DIP2A: variants seen among roughly 807,000 people sequenced by gnomAD.
DIP2A encodes disco-interacting protein 2 homolog A.
Under a neutral mutation model 177.4 loss-of-function variants are expected in DIP2A, and 85 were observed. The ratio of observed to expected loss-of-function variants is 0.48; its 90% confidence interval spans 0.40 to 0.57. The LOEUF (loss-of-function observed/expected upper bound fraction) is 0.57, where lower values mean the gene tolerates loss of function less well. DIP2A is among the 20% of genes least tolerant of loss of function. The pLI is 0.00. For synonymous variants in DIP2A, 886 were observed against 881.8 expected, an observed-to-expected ratio of 1.00 and a Z score of -0.08; for missense variants, 1,791 against 2,100.2, an observed-to-expected ratio of 0.85 and a Z score of 2.88.
At chr21:46,494,475 A>G (rs2057194508) in intron 3 of DIP2A, among the ~76,000 whole-genome samples, 2 of 152,152 alleles carry the variant, frequency 1.3e-5, no homozygotes, top group African/African-American at 4.8e-5. Context: ...GATTTTTCTC[A>G]GTTCTTAGAT....
At chr21:46,554,397 C>T (rs942838148) in intron 26 of DIP2A, 105 bp downstream of exon 26, 44 of 1,558,852 alleles carry the variant, frequency 2.8e-5, no homozygotes, top group Non-Finnish European at 3.3e-5. Context: ...CAAAACTAAG[C>T]TCAGCCCCTC....
intron 8 of DIP2A, among the ~76,000 whole-genome samples, chr21:46,523,552 C>CTT (rs908662073): frequency 6.6e-6 from 1 of 151,358 alleles, no homozygotes; most frequent in South Asian, 2.1e-4. Context: ...GCCCATAGTG[C>CTT]TTTTTTTTAA....
Position 46,551,880 on chromosome 21 carries a change from G to T in DIP2A, c.3006G>T (p.Pro1002=). The T allele has an allele frequency of 6.2e-7, 1 of 1,608,062 alleles. No individual in the cohort carries two copies. Among genetic ancestry groups the T allele is most frequent in the South Asian group, 1.1e-5 (1 of 90,144 alleles). ...QWRAHTTPDH[P]LFLLLNAKGT... is the part of the protein sequence containing the mutation. Reference sequence around the variant, plus strand: ...GTGCCCACACCACTCCTGACCACCCGCTGTTCTTGCTGCTGAACGCCAAGG... The same window carrying T: ...GTGCCCACACCACTCCTGACCACCCTCTGTTCTTGCTGCTGAACGCCAAGG... Residue 1002 remains proline (P), a synonymous_variant, in exon 25 of 38, where the codon CCG becomes CCT. Transcript: ENST00000417564.
At position 46,458,940 on chromosome 21, in the gene DIP2A, G is replaced by A; in HGVS notation, c.-192G>A. ...GAGCGCGCGGGGCAGCGGCGGCGCG[G>A]CGGAGCCATCCGCGCTCGTGCCCGC... On this transcript the variant is annotated 5_prime_UTR_variant, in exon 1 of 38. Transcript: ENST00000417564. 3.0e-6 allele frequency: 1 copy of A among 335,854 alleles called. No homozygotes were observed. Among genetic ancestry groups the A allele is most frequent in the Admixed American group, 5.0e-5 (1 of 20,076 alleles). 20.8% of individuals were successfully genotyped at this position (335,854 alleles called of 1,614,324 possible). A position where few individuals can be genotyped will look rare whatever the true frequency, so the allele number is the denominator to read the frequency against.
chr21:46,561,787 A>G lies in DIP2A; in HGVS notation c.4071A>G (p.Pro1357=). Residue 1357 remains proline, a synonymous_variant, in exon 34 of 38, where the codon CCA becomes CCG. Transcript: ENST00000417564. ...LVERGSPHSL[P]LMESGKILPG... ...AACGGGGTTCTCCGCACAGCCTGCC[A>G]TTGATGGAGTCTGGAAAGGTAGTGG... 6.2e-7 allele frequency: 1 copy of G among 1,613,896 alleles called. No homozygotes were observed. Among genetic ancestry groups the G allele is most frequent in the Non-Finnish European group, 8.5e-7 (1 of 1,179,870 alleles).
intron 16 of DIP2A, chr21:46,539,478 C>T (rs1419791314): frequency 3.1e-6 from 1 of 319,254 alleles, no homozygotes; most frequent in Non-Finnish European, 6.1e-6. Context: ...GCGTCTCCAC[C>T]CCAGGCGCAC....
At chr21:46,493,238 T>TA (rs2057123623) in intron 3 of DIP2A, among the ~76,000 whole-genome samples, 1 of 152,220 alleles carries the variant, frequency 6.6e-6, no homozygotes, top group South Asian at 2.1e-4. Flanking sequence ...TGGGGTTTGT[T>TA]GAGTATTTTT....
chr21:46,565,208 TACAC>T (rs1331687318), intron 35 of DIP2A, among the ~76,000 whole-genome samples: 1 of 152,232 alleles, frequency 6.6e-6, no homozygotes, highest in Non-Finnish European at 1.5e-5. Flanking sequence ...GACAGGTGGA[TACAC>T]ACACGTGAAC....
chr21:46,460,936 C>T (rs1601277543), intron 1 of DIP2A, among the ~76,000 whole-genome samples: 1 of 151,912 alleles, frequency 6.6e-6, no homozygotes, highest in African/African-American at 2.4e-5. Flanking sequence ...TCAGGTGGTC[C>T]GCCTGCCTCG....
rs1304963255 is a variant in DIP2A at position 46,563,914 on chromosome 21, A to G, written c.4146A>G (p.Gly1382=). 1.2e-6 allele frequency: 2 copies of G among 1,609,788 alleles called. No homozygotes were observed. Among genetic ancestry groups the G allele is most frequent in the African/African-American group, 1.4e-5 (1 of 73,582 alleles). ...IAHTETKGPL[G]DSHLGEIWVS... ...ACACCGAGACCAAAGGACCCTTGGG[A>G]GACTCACACCTGGGAGAGGTGAGCA... Residue 1382 remains glycine (G), a synonymous_variant, in exon 35 of 38, where the codon GGA becomes GGG. Transcript: ENST00000417564. This position sits in a 1 kb window ranked among gnomAD's most constrained non-coding sequence, Gnocchi z 4.3.
At chr21:46,513,905 G>A (rs573755224) in intron 8 of DIP2A, among the ~76,000 whole-genome samples, 2 of 152,038 alleles carry the variant, frequency 1.3e-5, no homozygotes, top group South Asian at 2.1e-4. Flanking sequence ...TTCGGATAAG[G>A]GATACTCAAC....
At chr21:46,570,364 GTGT>G (rs1417890771), downstream of DIP2A, among the ~76,000 whole-genome samples, 1 of 152,200 alleles carries the variant, frequency 6.6e-6, no homozygotes, top group Non-Finnish European at 1.5e-5. Context: ...AGGCAAATAA[GTGT>G]TGTGTCTGGT....
intron 1 of DIP2A, among the ~76,000 whole-genome samples, chr21:46,467,897 G>T (rs2054982688): frequency 6.6e-6 from 1 of 152,046 alleles, no homozygotes; most frequent in African/African-American, 2.4e-5. Flanking sequence ...TGGCTGAGGA[G>T]GTTGGATCGT....
the DIP2A span, among the ~76,000 whole-genome samples, chr21:46,579,122 C>T: frequency 6.1e-3 from 922 of 152,196 alleles, 8 homozygotes; most frequent in Middle Eastern, 0.024. Flanking sequence ...TTTCTTACTG[C>T]CTCAATTTCA....
At position 46,566,612 on chromosome 21, in the gene DIP2A, C is replaced by G; in HGVS notation, c.4392C>G (p.Leu1464=). 2 of 1,614,186 alleles carry G rather than the reference C, an allele frequency of 1.2e-6. No individual in the cohort carries two copies. The highest frequency in any genetic ancestry group is 1.7e-6 in the Non-Finnish European group (2 of 1,180,028). Residue 1464 remains leucine, a synonymous_variant, in exon 37 of 38, where the codon CTC becomes CTG. Transcript: ENST00000417564. Reference sequence around the variant, plus strand: ...GGTCTCTGGATGAAACTCTGGAGCTCAGAGGCATGCGGTACCACCCCATCG... The same window carrying G: ...GGTCTCTGGATGAAACTCTGGAGCTGAGAGGCATGCGGTACCACCCCATCG... ...VVGSLDETLE[L]RGMRYHPIDI... is the part of the protein sequence containing the mutation.
chr21:46,477,571 T>TGTGTGTGTGTGTGTG (rs762054063), intron 1 of DIP2A, among the ~76,000 whole-genome samples: 6,803 of 65,614 alleles, frequency 0.1, 303 homozygotes, highest in Non-Finnish European at 0.11. Context: ...GTGTGTGTAT[T>TGTGTGTGTGTGTGTG]TCTTTTTTTT....
intron 8 of DIP2A, among the ~76,000 whole-genome samples, chr21:46,523,028 C>T (rs938438151): frequency 2.0e-5 from 3 of 151,894 alleles, no homozygotes; most frequent in Non-Finnish European, 2.9e-5. Flanking sequence ...CAGGTTCAAG[C>T]GATTCTCCTG....
At chr21:46,490,908 G>A (rs1032534582) in intron 3 of DIP2A, among the ~76,000 whole-genome samples, 189 bp downstream of exon 3, 2 of 152,172 alleles carry the variant, frequency 1.3e-5, no homozygotes, top group African/African-American at 4.8e-5. Flanking sequence ...ACCACAGTCT[G>A]TTTTAATGTA....
chr21:46,518,320 A>G (rs1163032144), intron 8 of DIP2A, among the ~76,000 whole-genome samples: 2 of 152,128 alleles, frequency 1.3e-5, no homozygotes. Flanking sequence ...CATTGCTGAG[A>G]TGGCATCACC....
Sources: gnomAD v4.1 joint callset for allele counts (sites outside exome capture counted in the v4.1 genomes callset) on GRCh38, gnomAD v4.1.1 for gene constraint, Gnocchi (gnomAD v3.1) non-coding constraint, MANE v1.5 for transcripts, NCBI Gene and HGNC (gene_info 2026-07-23, HGNC 2026-07-21) for gene names.